CNBP: variants seen among roughly 807,000 people sequenced by gnomAD.
CNBP encodes cellular nucleic acid-binding protein.
Under a neutral mutation model 21.2 loss-of-function variants are expected in CNBP, and 6 were observed. The ratio of observed to expected loss-of-function variants is 0.28; its 90% CI spans 0.16 to 0.56. The LOEUF (loss-of-function observed/expected upper bound fraction) is 0.56. Ranked by LOEUF, CNBP falls within the 20% of genes least tolerant of loss-of-function variation. CNBP has a pLI of 0.93. For synonymous variants in CNBP, 61 were observed against 74.9 expected, an observed-to-expected ratio of 0.81 and a Z score of 0.96; for missense variants, 112 against 233.1, an observed-to-expected ratio of 0.48 and a Z score of 3.38.
intron 1 of CNBP, among the ~76,000 whole-genome samples, chr3:129,180,887 C>T (rs1484225223): frequency 1.3e-5 from 2 of 151,858 alleles, no homozygotes; most frequent in Non-Finnish European, 2.9e-5. Flanking sequence ...TGCTTTTAGG[C>T]ACCAGTTTGG....
intron 2 of CNBP, 40 bp downstream of exon 2, chr3:129,171,594 A>T (rs911819120): frequency 6.2e-7 from 1 of 1,614,144 alleles, no homozygotes; most frequent in South Asian, 1.1e-5. Flanking sequence ...GATACTAACA[A>T]ATACTGAAGT....
chr3:129,171,686 G>A lies in CNBP; in HGVS notation c.72C>T (p.Gly24=). 1.9e-6 allele frequency: 3 copies of A among 1,614,080 alleles called. No homozygotes were observed. The highest frequency in any genetic ancestry group is 2.5e-6 in the Non-Finnish European group (3 of 1,180,038). The change falls in exon 2 of 5, where the codon GGC becomes GGT. Residue 24 remains glycine (G), a synonymous_variant. Coordinates refer to ENST00000422453, the MANE Select transcript of CNBP (RefSeq NM_003418.5). Reference sequence around the variant, plus strand: ...CACGGCTTCTCATTCCACGACCACGGCCTCCACCAGTAGGACATTCCCGGG... The same window carrying A: ...CACGGCTTCTCATTCCACGACCACGACCTCCACCAGTAGGACATTCCCGGG... The part of the protein sequence containing the change: ...HWARECPTGG[G]RGRGMRSRGR...
At chr3:129,180,032 A>AT (rs1385142859) in intron 1 of CNBP, among the ~76,000 whole-genome samples, 1 of 152,202 alleles carries the variant, frequency 6.6e-6, no homozygotes. Flanking sequence ...GGAAAAAAAA[A>AT]GTTAAGTGGT....
chr3:129,180,537 T>TA (rs1938219308), intron 1 of CNBP, among the ~76,000 whole-genome samples: 1 of 152,220 alleles, frequency 6.6e-6, no homozygotes, highest in East Asian at 1.9e-4. Flanking sequence ...AGTTCTCACT[T>TA]TATTATCTCA....
rs1244720762 is a variant in CNBP at position 129,183,771 on chromosome 3, C to G, written c.-15+5G>C. 6.5e-6 allele frequency: 1 copy of G among 152,956 alleles called. No individual in the cohort carries two copies. The highest frequency in any genetic ancestry group is 6.5e-5 in the Admixed American group (1 of 15,292). The allele number at this position is 152,956 out of a possible 1,614,324, so 9.5% of individuals were successfully genotyped here. A position where few individuals can be genotyped will look rare whatever the true frequency, so the allele number is the denominator to read the frequency against. On this transcript the variant is annotated splice_donor_5th_base_variant and intron_variant, in intron 1 of 4. Coordinates refer to ENST00000422453, the MANE Select transcript of CNBP (RefSeq NM_003418.5). ...TCAGCGCCGGGCCCCTCCCCCAGCC[C>G]TCACCTTCCGCGTCGGAGCGGGCCC...
Position 129,172,648 on chromosome 3 carries a change from G to A in CNBP, c.-14-877C>T, listed in dbSNP as rs138379722. Among the ~76,000 whole-genome samples the A allele has an allele frequency of 8.0e-3, 884 of 110,102 alleles. 7 individuals are homozygous for A. Among genetic ancestry groups the A allele is most frequent in the South Asian group, 0.012 (36 of 3,108 alleles). 72.2% of individuals were successfully genotyped at this position (110,102 alleles called of 152,430 possible). Reference sequence around the variant, plus strand: ...GCCAGGCAGGCAGGCAGGCAGGCAGGCAGGCAGGCAGACAGACAGACAGAC... The same window carrying A: ...GCCAGGCAGGCAGGCAGGCAGGCAGACAGGCAGGCAGACAGACAGACAGAC... On this transcript the variant is annotated intron_variant, in intron 1 of 4. Transcript: ENST00000422453.
At chr3:129,177,107 T>C (rs895668983) in intron 1 of CNBP, among the ~76,000 whole-genome samples, 1 of 152,220 alleles carries the variant, frequency 6.6e-6, no homozygotes, top group Non-Finnish European at 1.5e-5. Context: ...TACTATTTTA[T>C]GCAAGCTACA....
intron 3 of CNBP, 25 bp downstream of exon 3, chr3:129,171,421 T>C: frequency 1.2e-6 from 2 of 1,607,862 alleles, no homozygotes; most frequent in South Asian, 1.1e-5. Flanking sequence ...TAGAGGGGTA[T>C]GAAAAGGAAG....
intron 1 of CNBP, among the ~76,000 whole-genome samples, chr3:129,176,813 A>G (rs1560038527): frequency 1.3e-5 from 2 of 152,174 alleles, no homozygotes; most frequent in Non-Finnish European, 2.9e-5. Flanking sequence ...GACATTCCCA[A>G]TGTAATTTTT....
chr3:129,170,397 CAG>C lies in CNBP; in HGVS notation c.*54_*55del. On this transcript the variant is annotated 3_prime_UTR_variant, in exon 5 of 5. Coordinates refer to ENST00000422453, the MANE Select transcript of CNBP (RefSeq NM_003418.5). The stretch of plus-strand genomic sequence containing the variant: ...CAACCTTTGGCCAGTGAAGAGGATT[CAG>C]AGAAAATAATACAACCATCAATCAG... 1 of 1,451,086 alleles carries C rather than the reference CAG, an allele frequency of 6.9e-7. No homozygotes were observed. The highest frequency in any genetic ancestry group is 9.7e-7 in the Non-Finnish European group (1 of 1,031,682). 89.9% of individuals were successfully genotyped at this position (1,451,086 alleles called of 1,614,324 possible).
intron 4 of CNBP, 136 bp downstream of exon 4, chr3:129,170,943 C>A (rs1937556719): frequency 2.5e-6 from 2 of 792,408 alleles, no homozygotes; most frequent in Non-Finnish European, 4.0e-6. Context: ...CTGCCAGTTA[C>A]ATATGCTGAA....
intron 1 of CNBP, among the ~76,000 whole-genome samples, chr3:129,172,507 G>A (rs948738903): frequency 2.9e-4 from 44 of 152,082 alleles, no homozygotes; most frequent in Admixed American, 2.8e-3. Flanking sequence ...GCTTGAACCC[G>A]GGGGGTGGAG....
In CNBP at chr3:129,168,358, G is replaced by C. The variant is rs1444295916; in HGVS notation, c.*2095C>G. Among the ~76,000 whole-genome samples, 1 of 151,948 alleles carries C rather than the reference G, an allele frequency of 6.6e-6. No homozygotes were observed. Among genetic ancestry groups the C allele is most frequent in the Non-Finnish European group, 1.5e-5 (1 of 67,986 alleles). ...CAGATCCTTATGAAACCCAGGAAAA[G>C]GTGGGGCACAGTGGCTCACCTGAGG... On this transcript the variant is annotated 3_prime_UTR_variant, in exon 5 of 5. Transcript: ENST00000422453.
intron 1 of CNBP, among the ~76,000 whole-genome samples, chr3:129,171,974 A>G (rs1937578264): frequency 6.6e-6 from 1 of 152,050 alleles, no homozygotes; most frequent in East Asian, 2.0e-4. Flanking sequence ...GATCGAGACC[A>G]TCTTGGCTAA....
At chr3:129,177,856 A>C (rs1309943907) in intron 1 of CNBP, among the ~76,000 whole-genome samples, 1 of 152,190 alleles carries the variant, frequency 6.6e-6, no homozygotes, top group East Asian at 1.9e-4. Flanking sequence ...AGAAATGACT[A>C]AGATAGTCAA....
intron 1 of CNBP, among the ~76,000 whole-genome samples, chr3:129,181,458 C>T (rs1312615066): frequency 6.6e-6 from 1 of 150,924 alleles, no homozygotes; most frequent in African/African-American, 2.4e-5. Flanking sequence ...TCGAGACCAG[C>T]CTGGCCAACA....
chr3:129,178,094 G>C (rs543299286), intron 1 of CNBP, among the ~76,000 whole-genome samples: 208 of 150,586 alleles, frequency 1.4e-3, no homozygotes, highest in African/African-American at 4.9e-3. Flanking sequence ...AGGAGGCAGA[G>C]GTTGCAGTGA....
intron 1 of CNBP, among the ~76,000 whole-genome samples, chr3:129,180,165 A>G (rs1210199807): frequency 2.6e-5 from 4 of 152,074 alleles, no homozygotes; most frequent in Admixed American, 1.3e-4. Context: ...TTACTACTAT[A>G]TATCTAGTAA....
chr3:129,180,344 AT>A (rs1938211730), intron 1 of CNBP, among the ~76,000 whole-genome samples: 1 of 152,268 alleles, frequency 6.6e-6, no homozygotes. Context: ...ATCTTAAAAA[AT>A]ATTTTCTTTA....
Sources: gnomAD v4.1 joint callset for allele counts (sites outside exome capture counted in the v4.1 genomes callset) on GRCh38, gnomAD v4.1.1 for gene constraint, MANE v1.5 for transcripts, NCBI Gene and HGNC (gene_info 2026-07-23, HGNC 2026-07-21) for gene names.